The following CPXM2 variants were observed in gnomAD, a reference collection of about 807,000 sequenced individuals.
The protein encoded by CPXM2 is carboxypeptidase X, M14 family member 2.
In CPXM2, 66 loss-of-function variants were observed where a neutral mutation model predicts 86.1. That is an observed-to-expected ratio of 0.77 (90% confidence interval 0.63 to 0.94). The LOEUF is 0.94. Ranked by LOEUF, CPXM2 falls within the 40% of genes least tolerant of loss-of-function variation. The pLI, the probability that CPXM2 is intolerant of heterozygous loss-of-function variation, is 0.00. For missense variants in CPXM2, 948 were observed against 1,026.3 expected, an observed-to-expected ratio of 0.92 and a Z score of 1.04; for synonymous variants, 388 against 400.2, an observed-to-expected ratio of 0.97 and a Z score of 0.36.
intron 10 of CPXM2, among the ~76,000 whole-genome samples, chr10:123,765,969 G>T (rs957672605): frequency 2.0e-5 from 3 of 152,198 alleles, no homozygotes; most frequent in African/African-American, 7.2e-5. Context: ...CTAAAATATA[G>T]CATTTCCCAG....
intron 7 of CPXM2, among the ~76,000 whole-genome samples, chr10:123,776,508 CTTG>C (rs1387602970): frequency 1.3e-5 from 2 of 152,220 alleles, no homozygotes; most frequent in Non-Finnish European, 2.9e-5. Flanking sequence ...CGCAGTGACA[CTTG>C]TTGTGGCATG....
intron 4 of CPXM2, among the ~76,000 whole-genome samples, chr10:123,813,924 G>A (rs1847749244): frequency 6.6e-6 from 1 of 152,190 alleles, no homozygotes; most frequent in Non-Finnish European, 1.5e-5. Context: ...GCATGACTGT[G>A]TACCTTGGCC....
At chr10:123,809,244 G>A (rs747181699) in intron 4 of CPXM2, among the ~76,000 whole-genome samples, 138 of 152,270 alleles carry the variant, frequency 9.1e-4, no homozygotes, top group Non-Finnish European at 1.7e-3. Flanking sequence ...TCAGACATAT[G>A]AAAGAGAAGC....
chr10:123,761,843 A>G, intron 11 of CPXM2, 29 bp downstream of exon 11: 2 of 1,605,240 alleles, frequency 1.2e-6, no homozygotes, highest in South Asian at 2.2e-5. Flanking sequence ...CTGCGCCCGC[A>G]GCCCACTCTC....
At chr10:123,785,507 G>A (rs1219716) in intron 6 of CPXM2, among the ~76,000 whole-genome samples, 4,061 of 152,200 alleles carry the variant, frequency 0.027, 88 homozygotes, top group South Asian at 0.087. Flanking sequence ...GTGTCGTGTC[G>A]TTGGAACCCC....
At chr10:123,811,288 T>A (rs905496948) in intron 4 of CPXM2, among the ~76,000 whole-genome samples, 2 of 152,112 alleles carry the variant, frequency 1.3e-5, no homozygotes, top group Non-Finnish European at 2.9e-5. Context: ...CCTAATGCTA[T>A]CCCTCCCGCC....
intron 2 of CPXM2, among the ~76,000 whole-genome samples, chr10:123,911,547 C>T (rs1022388868): frequency 5.9e-5 from 9 of 151,534 alleles, no homozygotes; most frequent in African/African-American, 9.7e-5. Context: ...CCATTACTTT[C>T]GCACCAACCT....
intron 2 of CPXM2, among the ~76,000 whole-genome samples, chr10:123,902,267 G>C (rs2134261778): frequency 6.6e-6 from 1 of 152,304 alleles, no homozygotes; most frequent in Non-Finnish European, 1.5e-5. Context: ...ACATGGGCCT[G>C]AGCGCCTCCC....
intron 4 of CPXM2, among the ~76,000 whole-genome samples, chr10:123,824,249 C>T (rs1198106773): frequency 6.6e-6 from 1 of 152,108 alleles, no homozygotes; most frequent in Non-Finnish European, 1.5e-5. Context: ...AATGTATTGC[C>T]AATTGACCAC....
At chr10:123,916,774 CT>C (rs1945536279) in intron 2 of CPXM2, among the ~76,000 whole-genome samples, 1 of 128,930 alleles carries the variant, frequency 7.8e-6, no homozygotes, top group African/African-American at 2.6e-5. Context: ...TTCTCTCTCT[CT>C]CTCTTTTTTT....
intron 2 of CPXM2, among the ~76,000 whole-genome samples, chr10:123,912,867 C>T (rs1590119057): frequency 6.6e-6 from 1 of 152,190 alleles, no homozygotes; most frequent in African/African-American, 2.4e-5. Flanking sequence ...TTGTTGTTTT[C>T]ATTTGCCAAC....
chr10:123,823,447 G>C (rs933450364), intron 4 of CPXM2, among the ~76,000 whole-genome samples: 2 of 152,144 alleles, frequency 1.3e-5, no homozygotes, highest in Admixed American at 6.6e-5. Context: ...GAGGTACCTA[G>C]AAAACCATTA....
chr10:123,780,070 T>A, intron 7 of CPXM2, 97 bp downstream of exon 7: 1 of 763,230 alleles, frequency 1.3e-6, no homozygotes, highest in African/African-American at 1.7e-5. Flanking sequence ...TCCCTAATCA[T>A]CAATTTCTGG....
intron 4 of CPXM2, among the ~76,000 whole-genome samples, chr10:123,814,290 T>C (rs1187618433): frequency 1.3e-5 from 2 of 152,120 alleles, no homozygotes; most frequent in Admixed American, 6.5e-5. Context: ...AGCTAGAATA[T>C]AAAGCAGGCA....
chr10:123,829,717 C>T (rs964454170), intron 4 of CPXM2, among the ~76,000 whole-genome samples: 1 of 152,006 alleles, frequency 6.6e-6, no homozygotes, highest in South Asian at 2.1e-4. Flanking sequence ...CAGAAAAAGT[C>T]TGAAAAGATT....
intron 7 of CPXM2, among the ~76,000 whole-genome samples, chr10:123,775,473 T>A (rs916230652): frequency 3.3e-5 from 5 of 152,192 alleles, no homozygotes; most frequent in Non-Finnish European, 7.3e-5. Context: ...CAATTAGCTG[T>A]GGGAGAAATG....
chr10:123,830,872 CTG>C (rs34599295), intron 4 of CPXM2, among the ~76,000 whole-genome samples: 53,241 of 141,866 alleles, frequency 0.38, 10,605 homozygotes, highest in Non-Finnish European at 0.47. Context: ...CTCTCTCTCT[CTG>C]TGTGTGTGTG....
intron 2 of CPXM2, among the ~76,000 whole-genome samples, chr10:123,907,257 C>T (rs1945451055): frequency 6.6e-6 from 1 of 152,230 alleles, no homozygotes; most frequent in Non-Finnish European, 1.5e-5. Context: ...CTCACAAAGA[C>T]TATTTTTAGA....
In CPXM2 at chr10:123,873,368, G is replaced by A. The variant is rs150544964; in HGVS notation, c.403+6843C>T. Among the ~76,000 whole-genome samples, 455 of 152,256 alleles carry A rather than the reference G, an allele frequency of 3.0e-3. 1 individual carries two copies. Among genetic ancestry groups the A allele is most frequent in the African/African-American group, 0.01 (433 of 41,542 alleles). On this transcript the variant is annotated intron_variant, in intron 2 of 13. Transcript: ENST00000241305. ...ATTTCTACAAGCGATATTAAAGAAG[G>A]TCTAATAAGTGGAGAGATATACCAT...
Sources: allele counts gnomAD v4.1 joint callset (sites outside exome capture counted in the v4.1 genomes callset), GRCh38; gene constraint gnomAD v4.1.1; transcripts MANE v1.5; gene names NCBI Gene and HGNC (gene_info 2026-07-23, HGNC 2026-07-21).